The following PTPRK variants were observed in gnomAD, a reference collection of about 807,000 sequenced individuals.
The protein encoded by PTPRK is receptor-type tyrosine-protein phosphatase kappa.
Under a neutral mutation model 178.0 loss-of-function variants are expected in PTPRK, and 75 were observed. The observed-to-expected ratio is 0.42, with a 90% CI of 0.35 to 0.51. The LOEUF is 0.51. Among genes scored for constraint, PTPRK ranks in the 20% least tolerant of loss-of-function variants. The probability of loss-of-function intolerance (pLI) is 0.02; values close to 1 mark genes in which losing one functional copy is unlikely to be tolerated. For synonymous variants in PTPRK, 637 were observed against 620.6 expected (o/e 1.03, Z -0.39); for missense variants, 1,441 against 1,797.8 (o/e 0.80, Z 3.59).
rs141822889 is a variant in PTPRK, at chr6:128,139,887, A to ATT, written c.1162+44543_1162+44544dup. Among the ~76,000 whole-genome samples the ATT allele has an allele frequency of 3.2e-4, 49 of 151,104 alleles. 1 individual carries two copies. The highest frequency in any genetic ancestry group is 6.3e-4 in the South Asian group (3 of 4,778). On this transcript the variant is annotated intron_variant, in intron 7 of 29. Coordinates refer to ENST00000368226, the MANE Select transcript of PTPRK (RefSeq NM_002844.4). ...GTTTTGCTTTTATTTCACTAGCAAC[A>ATT]TTTTTTTTTAATCCAAATCACTGGT... is the stretch of plus-strand genomic sequence containing the variant.
chr6:128,387,628 C>T (rs897055553), intron 2 of PTPRK, among the ~76,000 whole-genome samples: 5 of 152,094 alleles, frequency 3.3e-5, no homozygotes, highest in Non-Finnish European at 7.4e-5. Context: ...CAGTGTATAA[C>T]ACTTGACTCT....
At chr6:128,409,327 C>A (rs1040849056) in intron 1 of PTPRK, 2 of 454,552 alleles carry the variant, frequency 4.4e-6, no homozygotes, top group African/African-American at 4.0e-5. Flanking sequence ...TAACTGCAGG[C>A]CTTTTCTGAA....
chr6:128,247,683 T>A (rs73592673), intron 3 of PTPRK, among the ~76,000 whole-genome samples: 16,955 of 152,192 alleles, frequency 0.11, 1,221 homozygotes, highest in Non-Finnish European at 0.16. Context: ...TCTTCTTCTA[T>A]AAAGGAAAGT....
At chr6:128,022,468 C>T (rs553005643) in intron 13 of PTPRK, among the ~76,000 whole-genome samples, 4 of 152,206 alleles carry the variant, frequency 2.6e-5, no homozygotes, top group South Asian at 4.1e-4. Context: ...TTTACTTTTT[C>T]GATTATTTTC....
At chr6:128,045,175 C>T (rs963492052) in intron 13 of PTPRK, among the ~76,000 whole-genome samples, 1 of 152,124 alleles carries the variant, frequency 6.6e-6, no homozygotes, top group East Asian at 1.9e-4. Flanking sequence ...TAGTAGAATA[C>T]TTACGTATAG....
At chr6:127,994,147 AAATAT>A (rs1217141704) in intron 18 of PTPRK, among the ~76,000 whole-genome samples, 3 of 151,804 alleles carry the variant, frequency 2.0e-5, no homozygotes, top group South Asian at 4.1e-4. Flanking sequence ...ATGCTTTATA[AAATAT>A]ATTAGTTCAA....
At chr6:128,067,198 T>G (rs1781936431) in intron 12 of PTPRK, among the ~76,000 whole-genome samples, 1 of 152,178 alleles carries the variant, frequency 6.6e-6, no homozygotes, top group Non-Finnish European at 1.5e-5. Flanking sequence ...CAATGCCTGA[T>G]CGTTACTGAG....
intron 3 of PTPRK, among the ~76,000 whole-genome samples, chr6:128,278,123 T>TTTATTTA (rs1821031672): frequency 7.0e-6 from 1 of 143,658 alleles, no homozygotes; most frequent in African/African-American, 2.6e-5. Context: ...TTTTTGTGTT[T>TTTATTTA]TTTATTTATT....
intron 1 of PTPRK, among the ~76,000 whole-genome samples, chr6:128,459,515 A>G (rs965326247): frequency 3.0e-4 from 46 of 152,216 alleles, no homozygotes; most frequent in African/African-American, 1.1e-3. Flanking sequence ...AGACATCCAC[A>G]GCAAATACAA....
At chr6:128,209,866 C>T (rs960926053) in intron 6 of PTPRK, among the ~76,000 whole-genome samples, 13 of 152,068 alleles carry the variant, frequency 8.5e-5, no homozygotes, top group African/African-American at 3.1e-4. Context: ...AAAGGAGAGT[C>T]TTATGAAGGA....
At position 128,160,680 on chromosome 6, in the gene PTPRK, A is replaced by G. The variant is rs1298927839; in HGVS notation, c.1162+23752T>C. On this transcript the variant is annotated intron_variant, in intron 7 of 29. Coordinates refer to ENST00000368226, the MANE Select transcript of PTPRK (RefSeq NM_002844.4). ...CAAAACCTAAGCTCATGAGGTTGCTAAATTGAATGTAATAATGGAGGTGAA... is the reference window on the plus strand; with the variant it reads ...CAAAACCTAAGCTCATGAGGTTGCTGAATTGAATGTAATAATGGAGGTGAA... 3.3e-5 allele frequency among the ~76,000 whole-genome samples: 5 copies of G among 151,814 alleles called. No individual in the cohort carries two copies. The East Asian group carries it at 5.8e-4, about 18-fold the overall frequency.
At chr6:128,344,060 T>C (rs1486341251) in intron 2 of PTPRK, among the ~76,000 whole-genome samples, 1 of 152,220 alleles carries the variant, frequency 6.6e-6, no homozygotes, top group African/African-American at 2.4e-5. Context: ...GTTGGGGCCA[T>C]ACATAGAACA....
intron 7 of PTPRK, among the ~76,000 whole-genome samples, chr6:128,112,790 G>A (rs1316189096): frequency 6.6e-6 from 1 of 152,096 alleles, no homozygotes; most frequent in Non-Finnish European, 1.5e-5. Flanking sequence ...ATAGAGTTCA[G>A]AGGCCATATT....
At chr6:128,264,183 A>G (rs904574652) in intron 3 of PTPRK, among the ~76,000 whole-genome samples, 1 of 152,172 alleles carries the variant, frequency 6.6e-6, no homozygotes, top group East Asian at 1.9e-4. Flanking sequence ...TGCCTCCCTT[A>G]TGTCTGTTCC....
In PTPRK at chr6:128,078,936, A is replaced by G; in HGVS notation, c.1778-18T>C. On this transcript the variant is annotated intron_variant, in intron 10 of 29. Transcript: ENST00000368226. Reference sequence around the variant, plus strand: ...AGTTGGAGCTGATGAGTGATTAATGAGATAAAAAAGGTTCAATTAATTTAC... The same window carrying G: ...AGTTGGAGCTGATGAGTGATTAATGGGATAAAAAAGGTTCAATTAATTTAC... 6.6e-7 allele frequency: 1 copy of G among 1,506,130 alleles called. No homozygotes were observed. Among genetic ancestry groups the G allele is most frequent in the Non-Finnish European group, 9.2e-7 (1 of 1,083,058 alleles). The allele number at this position is 1,506,130 out of a possible 1,614,324, so 93.3% of individuals were successfully genotyped here.
chr6:128,226,015 C>A (rs1260824293), intron 5 of PTPRK, among the ~76,000 whole-genome samples: 1 of 152,108 alleles, frequency 6.6e-6, no homozygotes, highest in African/African-American at 2.4e-5. Flanking sequence ...AAGAGTTTCA[C>A]CCTAGGAAGC....
At chr6:128,263,300 G>T (rs1350313463) in intron 3 of PTPRK, among the ~76,000 whole-genome samples, 1 of 152,156 alleles carries the variant, frequency 6.6e-6, no homozygotes, top group Non-Finnish European at 1.5e-5. Flanking sequence ...ACTTGCTGCT[G>T]TAGCCTGTAG....
chr6:127,995,022 A>T (rs1214534895), intron 18 of PTPRK, among the ~76,000 whole-genome samples: 1 of 152,018 alleles, frequency 6.6e-6, no homozygotes, highest in African/African-American at 2.4e-5. Flanking sequence ...ATAAACTGTC[A>T]AAGCTAAAAA....
At chr6:128,353,789 A>C (rs974786071) in intron 2 of PTPRK, among the ~76,000 whole-genome samples, 2 of 152,176 alleles carry the variant, frequency 1.3e-5, no homozygotes, top group Non-Finnish European at 1.5e-5. Context: ...ATTCTGTTAT[A>C]TATCTTGATT....
Sources: allele counts gnomAD v4.1 joint callset (sites outside exome capture counted in the v4.1 genomes callset), GRCh38; gene constraint gnomAD v4.1.1; transcripts MANE v1.5; gene names NCBI Gene and HGNC (gene_info 2026-07-23, HGNC 2026-07-21).